IL7R: variants seen among roughly 807,000 people sequenced by gnomAD.
The protein encoded by IL7R is interleukin 7 receptor.
IL7R carries 38 observed loss-of-function variants against 47.0 expected under a neutral mutation model. That is an observed-to-expected ratio of 0.81 (90% CI 0.62 to 1.06). The LOEUF is 1.06. Ranked by LOEUF, IL7R falls within the 50% of genes least tolerant of loss-of-function variation. The pLI is 0.00. For missense variants in IL7R, 633 were observed against 534.8 expected (o/e 1.18, Z -1.81); for synonymous variants, 221 against 199.8 (o/e 1.11, Z -0.89).
chr5:35,877,122 G>C lies in IL7R; in HGVS notation c.*636G>C, dbSNP rs891965451. On this transcript the variant is annotated 3_prime_UTR_variant, in exon 8 of 8. Transcript: ENST00000303115. ...CTTCACTGAGGACTGCCCCATTCTT[G>C]AGTGCCAAACGTCACTAGTAACAGG... is the stretch of plus-strand genomic sequence containing the variant. 8.6e-6 allele frequency: 2 copies of C among 233,702 alleles called. No homozygotes were observed. Among genetic ancestry groups the C allele is most frequent in the Non-Finnish European group, 1.7e-5 (2 of 118,520 alleles). 14.5% of individuals were successfully genotyped at this position (233,702 alleles called of 1,614,324 possible).
chr5:35,865,317 C>T (rs1580855331), intron 2 of IL7R, among the ~76,000 whole-genome samples: 1 of 152,156 alleles, frequency 6.6e-6, no homozygotes, highest in South Asian at 2.1e-4. Flanking sequence ...GCATAGTATT[C>T]CATGGTGTAT....
Position 35,879,431 on chromosome 5 carries a change from G to A in IL7R, c.*2945G>A, listed in dbSNP as rs1760298312. 1 of 232,760 alleles carries A rather than the reference G, an allele frequency of 4.3e-6. No individual in the cohort carries two copies. The allele number at this position is 232,760 out of a possible 1,614,324, so 14.4% of individuals were successfully genotyped here. A position where few individuals can be genotyped will look rare whatever the true frequency, so the allele number is the denominator to read the frequency against. On this transcript the variant is annotated 3_prime_UTR_variant, in exon 8 of 8. Coordinates refer to ENST00000303115, the MANE Select transcript of IL7R (RefSeq NM_002185.5). ...AGGTGGCATTTTTGTCAGCTCTGTG[G>A]TTTATTGTTGGGACTATTCTTTAAA...
In IL7R at chr5:35,871,067, G is replaced by T. The variant is rs745590108; in HGVS notation, c.391G>T (p.Ala131Ser). 6.2e-7 allele frequency: 1 copy of T among 1,612,660 alleles called. No individual in the cohort carries two copies. The highest frequency in any genetic ancestry group is 8.5e-7 in the Non-Finnish European group (1 of 1,178,822). ...TTTTTCTTTTCCAGTTAAACCTGAGGCTCCTTTTGACCTGAGTGTCGTCTA... is the reference window on the plus strand; with the variant it reads ...TTTTTCTTTTCCAGTTAAACCTGAGTCTCCTTTTGACCTGAGTGTCGTCTA... Reference protein sequence around the residue: ...IDLTTIVKPEAPFDLSVVYRE... With the variant: ...IDLTTIVKPESPFDLSVVYRE... Residue 131 changes from alanine to serine, a missense_variant, in exon 4 of 8, where the codon GCT (alanine) becomes TCT (serine). Coordinates refer to ENST00000303115, the MANE Select transcript of IL7R (RefSeq NM_002185.5).
intron 1 of IL7R, among the ~76,000 whole-genome samples, chr5:35,860,132 C>T (rs1353715233): frequency 2.0e-5 from 3 of 152,038 alleles, no homozygotes; most frequent in Admixed American, 6.6e-5. Flanking sequence ...TCAGATACTG[C>T]GTCTATAGAA....
In IL7R at chr5:35,876,536, A is replaced by G; in HGVS notation, c.*50A>G. ...TACCGTGAGCGACAAAGATGATTTA[A>G]AAGGGAAGTCTAGAGTTCCTAGTCT... On this transcript the variant is annotated 3_prime_UTR_variant, in exon 8 of 8. Coordinates refer to ENST00000303115, the MANE Select transcript of IL7R (RefSeq NM_002185.5). The G allele has an allele frequency of 6.3e-7, 1 of 1,593,482 alleles. No homozygotes were observed.
chr5:35,861,002 T>G lies in IL7R; in HGVS notation c.221+12T>G. 1.9e-6 allele frequency: 3 copies of G among 1,612,502 alleles called. No individual in the cohort carries two copies. Among genetic ancestry groups the G allele is most frequent in the Non-Finnish European group, 2.5e-6 (3 of 1,178,642 alleles). ...GAATTTGAAATATGGTGAGGGATGGTGGTTTTAATGGTTGCTTAGACATCC... is the reference window on the plus strand; with the variant it reads ...GAATTTGAAATATGGTGAGGGATGGGGGTTTTAATGGTTGCTTAGACATCC... On this transcript the variant is annotated intron_variant, in intron 2 of 7. Transcript: ENST00000303115.
chr5:35,879,487 T>C lies in IL7R; in HGVS notation c.*3001T>C. On this transcript the variant is annotated 3_prime_UTR_variant, in exon 8 of 8. Transcript: ENST00000303115. ...CATTGTTCACTACAGTGAAGATCTC[T>C]GATTTAACCGTGTACTATCCACATG... The C allele has an allele frequency of 4.3e-6, 1 of 232,096 alleles. No individual in the cohort carries two copies. The highest frequency in any genetic ancestry group is 8.5e-6 in the Non-Finnish European group (1 of 117,396). 14.4% of individuals were successfully genotyped at this position (232,096 alleles called of 1,614,324 possible). A position where few individuals can be genotyped will look rare whatever the true frequency, so the allele number is the denominator to read the frequency against.
intron 4 of IL7R, 118 bp from the exon 5 acceptor site, chr5:35,873,362 A>G (rs1030150789): frequency 1.6e-5 from 14 of 868,594 alleles, no homozygotes; most frequent in Non-Finnish European, 2.7e-5. Context: ...TCTAACAAAT[A>G]CGAGACAACT....
Position 35,879,215 on chromosome 5 carries a change from A to C in IL7R, c.*2729A>C. The C allele has an allele frequency of 4.3e-6, 1 of 233,134 alleles. No individual in the cohort carries two copies. Among genetic ancestry groups the C allele is most frequent in the East Asian group, 6.0e-5 (1 of 16,562 alleles). 14.4% of individuals were successfully genotyped at this position (233,134 alleles called of 1,614,324 possible). A position where few individuals can be genotyped will look rare whatever the true frequency, so the allele number is the denominator to read the frequency against. On this transcript the variant is annotated 3_prime_UTR_variant, in exon 8 of 8. Coordinates refer to ENST00000303115, the MANE Select transcript of IL7R (RefSeq NM_002185.5). Reference sequence around the variant, plus strand: ...GACTGGGTCTAGGGCACCCAGGCTGATTCAGCTGATTTCCTACCAGCCTTT... The same window carrying C: ...GACTGGGTCTAGGGCACCCAGGCTGCTTCAGCTGATTTCCTACCAGCCTTT...
chr5:35,858,152 A>T (rs1389833), intron 1 of IL7R, among the ~76,000 whole-genome samples: 18 of 152,186 alleles, frequency 1.2e-4, no homozygotes, highest in African/African-American at 3.6e-4. Flanking sequence ...TATACTCACT[A>T]GTTCACCCTG....
At chr5:35,866,960 T>C (rs753305128) in intron 2 of IL7R, among the ~76,000 whole-genome samples, 4 of 152,126 alleles carry the variant, frequency 2.6e-5, no homozygotes, top group African/African-American at 7.2e-5. Context: ...TATATTCCTA[T>C]GGAACATCAA....
chr5:35,872,605 A>C (rs2149902682), intron 4 of IL7R, among the ~76,000 whole-genome samples: 1 of 152,364 alleles, frequency 6.6e-6, no homozygotes, highest in African/African-American at 2.4e-5. Flanking sequence ...GAAACTCTAA[A>C]CAAATTAGAA....
At chr5:35,863,863 T>G (rs1320872988) in intron 2 of IL7R, among the ~76,000 whole-genome samples, 1 of 152,224 alleles carries the variant, frequency 6.6e-6, no homozygotes, top group Non-Finnish European at 1.5e-5. Flanking sequence ...CATTATTTAC[T>G]TATTTTTCTT....
rs1760231591 is a variant in IL7R at position 35,876,831 on chromosome 5, G to A, written c.*345G>A. 8.4e-6 allele frequency: 3 copies of A among 355,782 alleles called. No individual in the cohort carries two copies. The highest frequency in any genetic ancestry group is 4.3e-5 in the Admixed American group (1 of 23,138). 22.0% of individuals were successfully genotyped at this position (355,782 alleles called of 1,614,324 possible). A position where few individuals can be genotyped will look rare whatever the true frequency, so the allele number is the denominator to read the frequency against. ...GAGAGCATGAGAGGAAAGAAAGAAAGGAAAATAAAAAATGATAGTTGCCAT... is the reference window on the plus strand; with the variant it reads ...GAGAGCATGAGAGGAAAGAAAGAAAAGAAAATAAAAAATGATAGTTGCCAT... On this transcript the variant is annotated 3_prime_UTR_variant, in exon 8 of 8. Coordinates refer to ENST00000303115, the MANE Select transcript of IL7R (RefSeq NM_002185.5).
intron 2 of IL7R, among the ~76,000 whole-genome samples, chr5:35,864,499 G>A (rs2149897622): frequency 6.6e-6 from 1 of 152,292 alleles, no homozygotes; most frequent in South Asian, 2.1e-4. Flanking sequence ...TTCCAGCGAT[G>A]CATGAGAGAT....
intron 2 of IL7R, among the ~76,000 whole-genome samples, chr5:35,865,008 C>T (rs968333045): frequency 4.0e-5 from 6 of 151,778 alleles, no homozygotes; most frequent in African/African-American, 9.7e-5. Context: ...ATGTGCACAA[C>T]GTGTAGGTTT....
Position 35,876,649 on chromosome 5 carries a change from A to T in IL7R, c.*163A>T, listed in dbSNP as rs1760225640. The T allele has an allele frequency of 2.7e-6, 2 of 746,422 alleles. No individual in the cohort carries two copies. The highest frequency in any genetic ancestry group is 4.5e-6 in the Non-Finnish European group (2 of 439,786). 46.2% of individuals were successfully genotyped at this position (746,422 alleles called of 1,614,324 possible). ...AACATTGCTTTGACCACTCTTCCTG[A>T]GTTCAGTGGCACTCAACATGAGTCA... is the stretch of plus-strand genomic sequence containing the variant. On this transcript the variant is annotated 3_prime_UTR_variant, in exon 8 of 8. Transcript: ENST00000303115.
rs1760242180 is a variant in IL7R, at chr5:35,877,226, C to T, written c.*740C>T. On this transcript the variant is annotated 3_prime_UTR_variant, in exon 8 of 8. Coordinates refer to ENST00000303115, the MANE Select transcript of IL7R (RefSeq NM_002185.5). ...AAACTTACATATAATCCCTCCGGGA[C>T]AATGAGCAAAAACTAGGACTGTCCC... The T allele has an allele frequency of 4.3e-6, 1 of 233,076 alleles. No individual in the cohort carries two copies. 14.4% of individuals were successfully genotyped at this position (233,076 alleles called of 1,614,324 possible).
At position 35,879,116 on chromosome 5, in the gene IL7R, A is replaced by T. The variant is rs1580867139; in HGVS notation, c.*2630A>T. On this transcript the variant is annotated 3_prime_UTR_variant, in exon 8 of 8. Coordinates refer to ENST00000303115, the MANE Select transcript of IL7R (RefSeq NM_002185.5). ...TAAACCTCCTGATCGGAGACAATGT[A>T]TTAATCAGAAGTGTAAACTGCCAGT... 4.3e-6 allele frequency: 1 copy of T among 232,890 alleles called. No homozygotes were observed. Among genetic ancestry groups the T allele is most frequent in the South Asian group, 1.8e-4 (1 of 5,532 alleles). The allele number at this position is 232,890 out of a possible 1,614,324, so 14.4% of individuals were successfully genotyped here. A position where few individuals can be genotyped will look rare whatever the true frequency, so the allele number is the denominator to read the frequency against.
Sources: allele counts gnomAD v4.1 joint callset (sites outside exome capture counted in the v4.1 genomes callset), GRCh38; gene constraint gnomAD v4.1.1; transcripts MANE v1.5; gene names NCBI Gene and HGNC (gene_info 2026-07-23, HGNC 2026-07-21).